The following NLRP2 variants were observed in gnomAD, a reference collection of about 807,000 sequenced individuals.
NLRP2 encodes NLR family pyrin domain containing 2, also known as NACHT, LRR and PYD domains-containing protein 2.
A neutral mutation model predicts 97.2 loss-of-function variants in NLRP2; 107 were observed. The ratio of observed to expected loss-of-function variants is 1.10; its 90% CI spans 0.94 to 1.29. The LOEUF (loss-of-function observed/expected upper bound fraction) is 1.29. NLRP2 is among the 50% of genes most tolerant of loss of function. The pLI is 0.00. For synonymous variants in NLRP2, 663 were observed against 551.5 expected (o/e 1.20, Z -2.83); for missense variants, 1,495 against 1,330.3 (o/e 1.12, Z -1.93).
chr19:54,974,347 T>C, intron 2 of NLRP2, 153 bp from the exon 3 acceptor site: 1 of 719,316 alleles, frequency 1.4e-6, no homozygotes, highest in Non-Finnish European at 2.5e-6. Flanking sequence ...ACACTCTGTC[T>C]CAAAAAAAAA....
In NLRP2 at chr19:54,992,872, T is replaced by G. The variant is rs185667705; in HGVS notation, c.2709-1397T>G. On this transcript the variant is annotated intron_variant, in intron 10 of 12. Coordinates refer to ENST00000448584, the MANE Select transcript of NLRP2 (RefSeq NM_017852.5). ...CCGTGCCGGCCCCCTCAATTCAACT[T>G]TTTGATCCATGCCCCTATTTTGCTA... Among the ~76,000 whole-genome samples, 6 of 152,102 alleles carry G rather than the reference T, an allele frequency of 3.9e-5. No homozygotes were observed. The East Asian group carries it at 1.2e-3, about 29-fold the overall frequency.
Position 54,981,690 on chromosome 19 carries a change from C to T in NLRP2, c.463+8C>T. On this transcript the variant is annotated splice_region_variant and intron_variant, in intron 5 of 12. Transcript: ENST00000448584. The stretch of plus-strand genomic sequence containing the variant: ...TTAAAGGAAAAAAGCCAGGTCTGTA[C>T]CATATCTTCCTGCAGGGAGCTTGGG... 1 of 1,453,022 alleles carries T rather than the reference C, an allele frequency of 6.9e-7. No homozygotes were observed. Among genetic ancestry groups the T allele is most frequent in the Non-Finnish European group, 9.7e-7 (1 of 1,033,008 alleles). The allele number at this position is 1,453,022 out of a possible 1,614,324, so 90.0% of individuals were successfully genotyped here.
intron 8 of NLRP2, chr19:54,989,620 A>G (rs1021110647): frequency 3.2e-6 from 1 of 308,990 alleles, no homozygotes; most frequent in African/African-American, 2.2e-5. Flanking sequence ...TGCTCCAGAT[A>G]ATTCAAGTCG....
chr19:54,970,437 G>T, intron 2 of NLRP2, 142 bp downstream of exon 2: 2 of 896,486 alleles, frequency 2.2e-6, no homozygotes, highest in East Asian at 2.5e-5. Flanking sequence ...GACCACCTGA[G>T]GGTCAGGAGT....
At chr19:54,989,509 G>C (rs1167558992) in intron 8 of NLRP2, 1 of 206,424 alleles carries the variant, frequency 4.8e-6, no homozygotes, top group Non-Finnish European at 9.9e-6. Flanking sequence ...GGTTAGCGGA[G>C]TCTGCATCCA....
rs1182409492 is a variant in NLRP2, at chr19:54,983,042, G to T, written c.1344G>T (p.Arg448=). The change falls in exon 6 of 13, where the codon CGG becomes CGT. Residue 448 remains arginine (R), a synonymous_variant. Transcript: ENST00000448584. The part of the protein sequence containing the change: ...PQGAQLRGAL[R]TLSLLAAQGL... The stretch of plus-strand genomic sequence containing the variant: ...GCGCACAGCTGCGGGGCGCGCTGCG[G>T]ACGCTGAGCCTCCTGGCCGCGCAGG... 1.9e-6 allele frequency: 3 copies of T among 1,611,290 alleles called. No homozygotes were observed. Among genetic ancestry groups the T allele is most frequent in the Admixed American group, 3.3e-5 (2 of 59,936 alleles).
At chr19:54,991,107 G>A (rs530917528) in intron 10 of NLRP2, 71 of 169,340 alleles carry the variant, frequency 4.2e-4, no homozygotes, top group African/African-American at 1.7e-3. Flanking sequence ...TAAATTGCAT[G>A]CAATTGGTTG....
intron 6 of NLRP2, among the ~76,000 whole-genome samples, chr19:54,984,329 G>GTGTTTTTTTTTTTTTTTTTTTTT: frequency 2.5e-5 from 2 of 79,670 alleles, no homozygotes; most frequent in Admixed American, 1.5e-4. Flanking sequence ...TTTTTTTTGT[G>GTGTTTTTTTTTTTTTTTTTTTTT]TTTTTTTTTT....
intron 11 of NLRP2, among the ~76,000 whole-genome samples, chr19:54,995,187 CTTTTTTTTT>C (rs34168825): frequency 1.1e-5 from 1 of 87,226 alleles, no homozygotes; most frequent in African/African-American, 4.5e-5. Flanking sequence ...GTGGGTGCCT[CTTTTTTTTT>C]TTTTTTTTTT....
At chr19:54,986,361 T>G (rs911550861) in intron 8 of NLRP2, 46 bp downstream of exon 8, 4 of 1,562,802 alleles carry the variant, frequency 2.6e-6, no homozygotes, top group Admixed American at 1.7e-5. Flanking sequence ...AAACATAAGC[T>G]ACCACAAGCT....
intron 7 of NLRP2, among the ~76,000 whole-genome samples, chr19:54,985,677 CAAA>C (rs113852885): frequency 0.027 from 1,806 of 67,908 alleles, 48 homozygotes; most frequent in African/African-American, 0.077. Flanking sequence ...GACTGCGTCT[CAAA>C]AAAAAAAAAA....
At chr19:54,988,639 T>A (rs2072254684) in intron 8 of NLRP2, among the ~76,000 whole-genome samples, 1 of 151,896 alleles carries the variant, frequency 6.6e-6, no homozygotes, top group Non-Finnish European at 1.5e-5. Context: ...GTGACATCCA[T>A]CTTCCAAAAT....
At chr19:54,987,376 G>A (rs7253480) in intron 8 of NLRP2, among the ~76,000 whole-genome samples, 26,649 of 152,114 alleles carry the variant, frequency 0.18, 2,755 homozygotes, top group Non-Finnish European at 0.24. Context: ...TCCAGTGGCT[G>A]CCCAGGCGAT....
At chr19:54,973,872 AC>A in intron 2 of NLRP2, 1 of 652,288 alleles carries the variant, frequency 1.5e-6, no homozygotes. Context: ...GGCAAGCACC[AC>A]CCCCACAAAG....
At chr19:54,988,173 A>G (rs964923055) in intron 8 of NLRP2, among the ~76,000 whole-genome samples, 8 of 152,212 alleles carry the variant, frequency 5.3e-5, no homozygotes, top group African/African-American at 1.7e-4. Context: ...AAGCCCATGC[A>G]TTCAATAGTG....
intron 4 of NLRP2, among the ~76,000 whole-genome samples, chr19:54,979,466 A>G (rs2071437763): frequency 1.3e-5 from 2 of 151,752 alleles, no homozygotes; most frequent in Admixed American, 1.3e-4. Flanking sequence ...CAGCCTCCCG[A>G]GTAGCTGGGA....
At chr19:54,971,645 G>A (rs269914) in intron 2 of NLRP2, among the ~76,000 whole-genome samples, 3 of 151,574 alleles carry the variant, frequency 2.0e-5, no homozygotes, top group East Asian at 1.9e-4. Flanking sequence ...TGTTCATGTC[G>A]TTCGCCCACT....
At position 54,968,673 on chromosome 19, in the gene NLRP2, A is replaced by G. The variant is rs576535500; in HGVS notation, c.-17-1326A>G. Among the ~76,000 whole-genome samples, 6 of 139,140 alleles carry G rather than the reference A, an allele frequency of 4.3e-5. No individual in the cohort carries two copies. In the South Asian group the frequency reaches 6.9e-4, roughly 16 times the overall value. The allele number at this position is 139,140 out of a possible 152,430, so 91.3% of individuals were successfully genotyped here. A position where few individuals can be genotyped will look rare whatever the true frequency, so the allele number is the denominator to read the frequency against. ...AGCCACACACCTGTGTCCTGAGACC[A>G]GGCTCCACCACTAAGTTATCTTTAA... On this transcript the variant is annotated intron_variant, in intron 1 of 12. Coordinates refer to ENST00000448584, the MANE Select transcript of NLRP2 (RefSeq NM_017852.5).
chr19:54,981,082 G>T (rs979674151), intron 4 of NLRP2, among the ~76,000 whole-genome samples: 1 of 151,906 alleles, frequency 6.6e-6, no homozygotes, highest in Non-Finnish European at 1.5e-5. Flanking sequence ...CTGCACTCCA[G>T]CCTGGGCAAC....
Sources: gnomAD v4.1 joint callset for allele counts (sites outside exome capture counted in the v4.1 genomes callset) on GRCh38, gnomAD v4.1.1 for gene constraint, MANE v1.5 for transcripts, NCBI Gene and HGNC (gene_info 2026-07-23, HGNC 2026-07-21) for gene names.